Variants in SNX24 observed in about 807,000 individuals in gnomAD.
SNX24 encodes sorting nexin 24.
A neutral mutation model predicts 28.7 loss-of-function variants in SNX24; 22 were observed. The observed-to-expected ratio is 0.77, with a 90% CI of 0.55 to 1.10. The LOEUF is 1.10. Ranked by LOEUF, SNX24 falls within the 50% of genes least tolerant of loss-of-function variation. SNX24 has a pLI of 0.00. For synonymous variants in SNX24, 69 were observed against 71.5 expected (o/e 0.96, Z 0.18); for missense variants, 221 against 201.1 (o/e 1.10, Z -0.60).
At chr5:122,897,919 T>C (rs1757273218) in intron 1 of SNX24, among the ~76,000 whole-genome samples, 1 of 152,238 alleles carries the variant, frequency 6.6e-6, no homozygotes, top group Non-Finnish European at 1.5e-5. Flanking sequence ...TTATGTCTTC[T>C]GTTGCTTCTT....
chr5:122,924,861 A>G (rs1758609068), intron 1 of SNX24, among the ~76,000 whole-genome samples: 1 of 152,056 alleles, frequency 6.6e-6, no homozygotes, highest in South Asian at 2.1e-4. Context: ...CTAAGTCCAG[A>G]CTGGTGCTCT....
intron 1 of SNX24, among the ~76,000 whole-genome samples, chr5:122,930,300 T>A (rs1758893868): frequency 6.6e-6 from 1 of 152,200 alleles, no homozygotes; most frequent in Admixed American, 6.5e-5. Context: ...AAAAAAGATG[T>A]TTGGGTTATT....
rs545244803 is a variant in SNX24, at chr5:122,930,471, C to T, written c.61-6263C>T. On this transcript the variant is annotated intron_variant, in intron 1 of 6. Transcript: ENST00000261369. ...GTCAGAGAAAAAGTTTAGGGTCATC[C>T]TGATCTTTGTTTCTGCTTTTTGCTT... Among the ~76,000 whole-genome samples the T allele has an allele frequency of 3.9e-5, 6 of 152,222 alleles. No individual in the cohort carries two copies. In the South Asian group the frequency reaches 6.2e-4, roughly 16 times the overall value.
chr5:122,913,906 G>C (rs1386722240), intron 1 of SNX24, among the ~76,000 whole-genome samples: 2 of 152,202 alleles, frequency 1.3e-5, no homozygotes, highest in Admixed American at 6.5e-5. Flanking sequence ...TTAGGAGCTG[G>C]AGACCACCCC....
At chr5:122,990,121 C>G (rs1013482744) in intron 3 of SNX24, among the ~76,000 whole-genome samples, 1 of 152,122 alleles carries the variant, frequency 6.6e-6, no homozygotes, top group Non-Finnish European at 1.5e-5. Context: ...TCCACAAGGG[C>G]CACTTTTCAT....
At chr5:122,971,482 T>C (rs753737991) in intron 3 of SNX24, among the ~76,000 whole-genome samples, 9 of 152,202 alleles carry the variant, frequency 5.9e-5, no homozygotes, top group Non-Finnish European at 1.2e-4. Flanking sequence ...CTTGAACCCA[T>C]ACACATCTCC....
At chr5:122,873,298 T>C (rs544930416) in intron 1 of SNX24, among the ~76,000 whole-genome samples, 10 of 152,156 alleles carry the variant, frequency 6.6e-5, no homozygotes, top group Admixed American at 4.6e-4. Flanking sequence ...GAAGCTGTTT[T>C]TGCAGTCAGG....
At chr5:122,970,569 C>T (rs1218564971) in intron 3 of SNX24, among the ~76,000 whole-genome samples, 2 of 152,144 alleles carry the variant, frequency 1.3e-5, no homozygotes, top group African/African-American at 2.4e-5. Context: ...CCAGGGTTCA[C>T]GCCATTCTCC....
chr5:122,962,079 G>A (rs1225115956), intron 3 of SNX24, among the ~76,000 whole-genome samples: 2 of 152,128 alleles, frequency 1.3e-5, no homozygotes, highest in South Asian at 2.1e-4. Context: ...TTAGAACAAC[G>A]TATGGCATTT....
At chr5:122,884,389 G>A (rs1756616539) in intron 1 of SNX24, among the ~76,000 whole-genome samples, 1 of 150,976 alleles carries the variant, frequency 6.6e-6, no homozygotes, top group Non-Finnish European at 1.5e-5. Flanking sequence ...ATAGTTGGGT[G>A]GAATGCGCCA....
chr5:122,978,882 C>T (rs1387384524), intron 3 of SNX24, among the ~76,000 whole-genome samples: 1 of 152,154 alleles, frequency 6.6e-6, no homozygotes, highest in Non-Finnish European at 1.5e-5. Flanking sequence ...CAATATTTGT[C>T]TTTGAAATTC....
intron 1 of SNX24, among the ~76,000 whole-genome samples, chr5:122,870,777 C>T (rs1344324301): frequency 3.3e-5 from 5 of 152,152 alleles, no homozygotes; most frequent in African/African-American, 1.2e-4. Flanking sequence ...GTGTTAGCAC[C>T]ACTTCAGGTG....
chr5:122,958,645 A>G (rs1760324346), intron 3 of SNX24, among the ~76,000 whole-genome samples: 1 of 152,084 alleles, frequency 6.6e-6, no homozygotes, highest in Non-Finnish European at 1.5e-5. Flanking sequence ...TGATGCTTAT[A>G]TGTAGAACCA....
chr5:123,011,947 G>A (rs374509577), downstream of SNX24, among the ~76,000 whole-genome samples: 2 of 152,136 alleles, frequency 1.3e-5, no homozygotes, highest in East Asian at 1.9e-4. Flanking sequence ...ACCACAGGTC[G>A]TCAGAGGGAC....
rs141614848 is a variant in SNX24 at position 122,867,472 on chromosome 5, T to C, written c.60+21779T>C. Among the ~76,000 whole-genome samples, 367 of 152,276 alleles carry C rather than the reference T, an allele frequency of 2.4e-3. 1 individual carries two copies. The highest frequency in any genetic ancestry group is 7.8e-3 in the African/African-American group (324 of 41,558). On this transcript the variant is annotated intron_variant, in intron 1 of 6. Transcript: ENST00000261369. ...GGTGTCTGGCTGATCATTCCCAATA[T>C]GGAATGGTGCCATATTGGGGCCTCA...
At chr5:122,948,923 A>C (rs1050796198) in intron 3 of SNX24, among the ~76,000 whole-genome samples, 4 of 152,196 alleles carry the variant, frequency 2.6e-5, no homozygotes, top group African/African-American at 7.2e-5. Context: ...GATAATCATA[A>C]ACTATTACTG....
chr5:122,933,305 C>A (rs1195236279), intron 1 of SNX24, among the ~76,000 whole-genome samples: 19 of 152,202 alleles, frequency 1.2e-4, no homozygotes, highest in Non-Finnish European at 4.4e-5. Context: ...GCTCTGAGCC[C>A]TCCTCACTCC....
At chr5:122,931,155 C>T (rs1265541792) in intron 1 of SNX24, among the ~76,000 whole-genome samples, 2 of 152,036 alleles carry the variant, frequency 1.3e-5, no homozygotes, top group Non-Finnish European at 2.9e-5. Context: ...GAGAAAAACG[C>T]TTCTTCCCCC....
chr5:122,932,206 A>G (rs1758985746), intron 1 of SNX24, among the ~76,000 whole-genome samples: 1 of 152,250 alleles, frequency 6.6e-6, no homozygotes, highest in Non-Finnish European at 1.5e-5. Context: ...AATGAACAGA[A>G]TGATTTTTGT....
Sources: allele counts gnomAD v4.1 joint callset (sites outside exome capture counted in the v4.1 genomes callset), GRCh38; gene constraint gnomAD v4.1.1; transcripts MANE v1.5; gene names NCBI Gene and HGNC (gene_info 2026-07-23, HGNC 2026-07-21).